The following KIRREL3 variants were observed in gnomAD, a reference collection of about 807,000 sequenced individuals.
The protein encoded by KIRREL3 is kin of IRRE-like protein 3.
A neutral mutation model predicts 89.7 loss-of-function variants in KIRREL3; 36 were observed. The ratio of observed to expected loss-of-function variants is 0.40; its 90% CI spans 0.31 to 0.53. KIRREL3 has a LOEUF of 0.53. KIRREL3 is among the 20% of genes least tolerant of loss of function. The pLI is 0.49. For synonymous variants in KIRREL3, 445 were observed against 441.4 expected (o/e 1.01, Z -0.10); for missense variants, 864 against 1,056.6 (o/e 0.82, Z 2.53).
chr11:126,493,085 A>G (rs1957564143), intron 4 of KIRREL3, among the ~76,000 whole-genome samples: 1 of 152,242 alleles, frequency 6.6e-6, no homozygotes, highest in Non-Finnish European at 1.5e-5. Flanking sequence ...ACAGTGAGGT[A>G]GGCAGTGAGG....
chr11:126,816,529 C>T (rs1565322235), intron 1 of KIRREL3, among the ~76,000 whole-genome samples: 1 of 152,154 alleles, frequency 6.6e-6, no homozygotes, highest in Non-Finnish European at 1.5e-5. Flanking sequence ...AAGTTAGAGA[C>T]CCGCTGTGGA....
intron 1 of KIRREL3, among the ~76,000 whole-genome samples, chr11:126,585,697 G>A (rs1941804700): frequency 6.6e-6 from 1 of 152,242 alleles, no homozygotes; most frequent in Non-Finnish European, 1.5e-5. Flanking sequence ...AGCCTCCTGC[G>A]GAACGTGGGA....
rs1951177705 is a variant in KIRREL3, at chr11:126,805,553, G to C, written c.55+194902C>G. On this transcript the variant is annotated intron_variant, in intron 1 of 16. Coordinates refer to ENST00000525144, the MANE Select transcript of KIRREL3 (RefSeq NM_032531.4). This position sits in a 1 kb window ranked among gnomAD's most constrained non-coding sequence, Gnocchi z 4.3. ...TGAGCTGATTGCAGACTGTCTCTAG[G>C]TTGTCATCCATTAATTAATGAATAA... is the stretch of plus-strand genomic sequence containing the variant. Among the ~76,000 whole-genome samples, 1 of 152,094 alleles carries C rather than the reference G, an allele frequency of 6.6e-6. No homozygotes were observed.
intron 1 of KIRREL3, among the ~76,000 whole-genome samples, chr11:126,963,857 C>A (rs1565461232): frequency 6.6e-6 from 1 of 152,186 alleles, no homozygotes; most frequent in Non-Finnish European, 1.5e-5. Flanking sequence ...GAGTGAATGA[C>A]TTTCCTCAGC....
intron 1 of KIRREL3, among the ~76,000 whole-genome samples, chr11:126,679,471 G>A (rs1283677061): frequency 6.6e-6 from 1 of 152,170 alleles, no homozygotes; most frequent in Non-Finnish European, 1.5e-5. Context: ...GAGCTACTAT[G>A]ACCTCTGTTT....
rs541502944 is a variant in KIRREL3, at chr11:126,741,546, A to T, written c.56-178634T>A. Among the ~76,000 whole-genome samples, 46 of 152,348 alleles carry T rather than the reference A, an allele frequency of 3.0e-4. 1 individual carries two copies. In the South Asian group the frequency reaches 9.1e-3, roughly 30 times the overall value. ...AACAAATGCGTCTTGATCTTCAAAG[A>T]AAACACCTGAGAGTCCACAACAAGG... is the stretch of plus-strand genomic sequence containing the variant. On this transcript the variant is annotated intron_variant, in intron 1 of 16. Coordinates refer to ENST00000525144, the MANE Select transcript of KIRREL3 (RefSeq NM_032531.4).
Position 126,474,333 on chromosome 11 carries a change from C to T in KIRREL3, c.434-867G>A, listed in dbSNP as rs1957007428. Among the ~76,000 whole-genome samples the T allele has an allele frequency of 1.3e-5, 2 of 152,216 alleles. No homozygotes were observed. The highest frequency in any genetic ancestry group is 4.8e-5 in the African/African-American group (2 of 41,456). On this transcript the variant is annotated intron_variant, in intron 4 of 16. Transcript: ENST00000525144. The surrounding 1 kb of genome is among the most constrained non-coding windows in gnomAD (Gnocchi z 6.7). ...AGTCTGGTGAGGTCAACATTACCAC[C>T]CCAATGACACAGATCCGGAAGCCGA...
intron 1 of KIRREL3, among the ~76,000 whole-genome samples, chr11:126,717,594 C>T (rs966633508): frequency 1.3e-5 from 2 of 152,230 alleles, no homozygotes; most frequent in Non-Finnish European, 2.9e-5. Flanking sequence ...CCTCACTCAT[C>T]TCTGTCCTCC....
chr11:126,841,005 T>C (rs1020724950), intron 1 of KIRREL3, among the ~76,000 whole-genome samples: 4 of 152,250 alleles, frequency 2.6e-5, no homozygotes, highest in Admixed American at 2.6e-4. Context: ...TTTGTGAAAC[T>C]GTCAACAGCA....
At chr11:126,658,461 G>T (rs1039206022) in intron 1 of KIRREL3, among the ~76,000 whole-genome samples, 2 of 152,138 alleles carry the variant, frequency 1.3e-5, no homozygotes, top group African/African-American at 4.8e-5. Flanking sequence ...TGATCCATTG[G>T]TGTCTCAGTA....
chr11:126,445,513 T>C (rs964012169), intron 9 of KIRREL3, among the ~76,000 whole-genome samples: 2 of 152,196 alleles, frequency 1.3e-5, no homozygotes, highest in Admixed American at 6.5e-5. Context: ...GCTGAACTTC[T>C]CTGGGGGCTC....
rs1271130179 is a variant in KIRREL3 at position 126,485,873 on chromosome 11, C to T, written c.434-12407G>A. Among the ~76,000 whole-genome samples the T allele has an allele frequency of 1.3e-5, 2 of 152,220 alleles. No homozygotes were observed. Among genetic ancestry groups the T allele is most frequent in the Admixed American group, 6.5e-5 (1 of 15,284 alleles). ...ACAGCTGTACAGGTCTGATGGGCAG[C>T]CCTGCTGCCTTTAGGCAGGAGACCC... On this transcript the variant is annotated intron_variant, in intron 4 of 16. Coordinates refer to ENST00000525144, the MANE Select transcript of KIRREL3 (RefSeq NM_032531.4). This position sits in a 1 kb window ranked among gnomAD's most constrained non-coding sequence, Gnocchi z 5.8.
intron 1 of KIRREL3, among the ~76,000 whole-genome samples, chr11:126,964,091 C>T (rs1949188596): frequency 6.6e-6 from 1 of 152,166 alleles, no homozygotes; most frequent in African/African-American, 2.4e-5. Context: ...TGGGCAACTA[C>T]AAGGTTTGAG....
At position 126,997,575 on chromosome 11, in the gene KIRREL3, AT is replaced by A. The variant is rs1251862293; in HGVS notation, c.55+2879del. ...AATAGGGACCCACCATATTACTGATATTAATTATACATTGATTTCTGTTCTC... is the reference window on the plus strand; with the variant it reads ...AATAGGGACCCACCATATTACTGATATAATTATACATTGATTTCTGTTCTC... On this transcript the variant is annotated intron_variant, in intron 1 of 16. Coordinates refer to ENST00000525144, the MANE Select transcript of KIRREL3 (RefSeq NM_032531.4). This position sits in a 1 kb window ranked among gnomAD's most constrained non-coding sequence, Gnocchi z 4.3. Among the ~76,000 whole-genome samples, 1 of 152,222 alleles carries A rather than the reference AT, an allele frequency of 6.6e-6. No individual in the cohort carries two copies. The highest frequency in any genetic ancestry group is 1.5e-5 in the Non-Finnish European group (1 of 68,042).
In KIRREL3 at chr11:126,656,123, C is replaced by G. The variant is rs1433758585; in HGVS notation, c.56-93211G>C. 4.4e-6 allele frequency: 2 copies of G among 456,150 alleles called. No individual in the cohort carries two copies. The highest frequency in any genetic ancestry group is 8.8e-6 in the Non-Finnish European group (2 of 226,950). 28.3% of individuals were successfully genotyped at this position (456,150 alleles called of 1,614,324 possible). A position where few individuals can be genotyped will look rare whatever the true frequency, so the allele number is the denominator to read the frequency against. ...TGTGCAAAGGAATAAGAAACTAGTG[C>G]TGTCTCGGGAACCAGCAACACAGAT... On this transcript the variant is annotated intron_variant, in intron 1 of 16. Transcript: ENST00000525144. This position sits in a 1 kb window ranked among gnomAD's most constrained non-coding sequence, Gnocchi z 4.0.
At chr11:126,452,969 T>C (rs897603960) in intron 7 of KIRREL3, among the ~76,000 whole-genome samples, 8 of 151,780 alleles carry the variant, frequency 5.3e-5, no homozygotes, top group Non-Finnish European at 8.8e-5. Context: ...AGCTAAAGAG[T>C]GAGTCTCGCC....
At position 126,648,855 on chromosome 11, in the gene KIRREL3, GA is replaced by G. The variant is rs1198790278; in HGVS notation, c.56-85944del. Among the ~76,000 whole-genome samples, 4 of 152,220 alleles carry G rather than the reference GA, an allele frequency of 2.6e-5. No individual in the cohort carries two copies. The East Asian group carries it at 7.7e-4, about 29-fold the overall frequency. On this transcript the variant is annotated intron_variant, in intron 1 of 16. Transcript: ENST00000525144. ...GAAAATTCATTTTGCCTGGTTGAAT[GA>G]GTGGCTAAAATCACAGTCCTACAAT...
At chr11:126,831,384 C>G (rs1292932400) in intron 1 of KIRREL3, among the ~76,000 whole-genome samples, 1 of 151,066 alleles carries the variant, frequency 6.6e-6, no homozygotes, top group Non-Finnish European at 1.5e-5. Context: ...CTCTCTGTCT[C>G]TCTTTCTCTC....
intron 1 of KIRREL3, among the ~76,000 whole-genome samples, chr11:126,962,264 T>G (rs1949113955): frequency 6.6e-6 from 1 of 152,152 alleles, no homozygotes; most frequent in African/African-American, 2.4e-5. Flanking sequence ...TTGGAAAGGA[T>G]TCATCATTCT....
Sources: allele counts gnomAD v4.1 joint callset (sites outside exome capture counted in the v4.1 genomes callset), GRCh38; gene constraint gnomAD v4.1.1; non-coding constraint Gnocchi (gnomAD v3.1); transcripts MANE v1.5; gene names NCBI Gene and HGNC (gene_info 2026-07-23, HGNC 2026-07-21).